The following ANKS1B variants were observed in gnomAD, a reference collection of about 807,000 sequenced individuals.
ANKS1B encodes ankyrin repeat and sterile alpha motif domain containing 1B, also known as ankyrin repeat and sterile alpha motif domain-containing protein 1B.
ANKS1B carries 36 observed loss-of-function variants against 148.3 expected under a neutral mutation model. The ratio of observed to expected loss-of-function variants is 0.24; its 90% confidence interval spans 0.19 to 0.32. The LOEUF (loss-of-function observed/expected upper bound fraction) is 0.32, where lower values mean the gene tolerates loss of function less well. Among genes scored for constraint, ANKS1B ranks in the 10% least tolerant of loss-of-function variants. The pLI, the probability that ANKS1B is intolerant of heterozygous loss-of-function variation, is 1.00. For missense variants in ANKS1B, 1,157 were observed against 1,542.6 expected (o/e 0.75, Z 4.19); for synonymous variants, 542 against 560.8 (o/e 0.97, Z 0.47).
chr12:99,564,744 T>C (rs904056798), intron 9 of ANKS1B, among the ~76,000 whole-genome samples: 5 of 152,194 alleles, frequency 3.3e-5, no homozygotes, highest in African/African-American at 1.2e-4. Flanking sequence ...TAATAGTCTG[T>C]ACTTACTTAC....
intron 4 of ANKS1B, among the ~76,000 whole-genome samples, chr12:99,795,674 T>C (rs2066161895): frequency 6.6e-6 from 1 of 152,022 alleles, no homozygotes; most frequent in Non-Finnish European, 1.5e-5. Context: ...ATGCACACTG[T>C]AGACACGGAA....
intron 8 of ANKS1B, among the ~76,000 whole-genome samples, chr12:99,766,920 TG>T (rs1422941727): frequency 3.3e-5 from 5 of 149,876 alleles, no homozygotes; most frequent in Non-Finnish European, 7.4e-5. Flanking sequence ...CTCTAGAAAT[TG>T]GGTTAGAATG....
intron 14 of ANKS1B, among the ~76,000 whole-genome samples, chr12:99,212,619 A>C (rs1449689983): frequency 6.6e-6 from 1 of 152,174 alleles, no homozygotes; most frequent in Non-Finnish European, 1.5e-5. Flanking sequence ...ATTAATTTTT[A>C]CTTATTGTGG....
chr12:98,785,754 C>G (rs942644231), intron 22 of ANKS1B, among the ~76,000 whole-genome samples: 1 of 152,142 alleles, frequency 6.6e-6, no homozygotes, highest in Non-Finnish European at 1.5e-5. Context: ...TCTCAGGCAA[C>G]ACTGGTTTCT....
At chr12:99,172,324 ATTG>A (rs1467420850) in intron 14 of ANKS1B, among the ~76,000 whole-genome samples, 1 of 152,172 alleles carries the variant, frequency 6.6e-6, no homozygotes, top group Non-Finnish European at 1.5e-5. Flanking sequence ...ATTTGATCAA[ATTG>A]TTGTTGCACA....
chr12:99,543,347 T>C (rs934263841), intron 9 of ANKS1B, among the ~76,000 whole-genome samples: 3 of 152,024 alleles, frequency 2.0e-5, no homozygotes, highest in African/African-American at 2.4e-5. Flanking sequence ...TATGGAAAAA[T>C]TGGAACCTTC....
chr12:99,482,980 C>T (rs1244710472), intron 10 of ANKS1B, among the ~76,000 whole-genome samples: 1 of 150,928 alleles, frequency 6.6e-6, no homozygotes, highest in Non-Finnish European at 1.5e-5. Context: ...TATTTGAATG[C>T]CTTTTATTTC....
rs188459052 is a variant in ANKS1B at position 99,107,224 on chromosome 12, C to T, written c.2527-22201G>A. Among the ~76,000 whole-genome samples the T allele has an allele frequency of 2.9e-3, 434 of 151,912 alleles. 4 individuals are homozygous for T. The highest frequency in any genetic ancestry group is 9.8e-3 in the African/African-American group (407 of 41,446). On this transcript the variant is annotated intron_variant, in intron 15 of 26. Coordinates refer to ENST00000683438, the MANE Select transcript of ANKS1B (RefSeq NM_001352186.2). ...ATCTAATGGACAGTGACCCCATCAC[C>T]CCACTTTTACACGTGCCTCTAAGAG...
intron 12 of ANKS1B, among the ~76,000 whole-genome samples, chr12:99,299,139 C>A (rs1000988440): frequency 2.6e-5 from 4 of 151,918 alleles, no homozygotes; most frequent in African/African-American, 7.3e-5. Flanking sequence ...TAGCTCACTG[C>A]AGCTTTGAAC....
At chr12:99,960,743 C>T (rs1447753634) in intron 1 of ANKS1B, among the ~76,000 whole-genome samples, 2 of 152,066 alleles carry the variant, frequency 1.3e-5, no homozygotes, top group African/African-American at 4.8e-5. Context: ...AAAATAAATA[C>T]ATATTAAAAA....
intron 10 of ANKS1B, among the ~76,000 whole-genome samples, chr12:99,503,203 G>A (rs1316836487): frequency 6.6e-6 from 1 of 152,180 alleles, no homozygotes; most frequent in Non-Finnish European, 1.5e-5. Flanking sequence ...AGGATTACAG[G>A]CATGAGGTAG....
At chr12:99,695,318 A>G (rs2053724713) in intron 8 of ANKS1B, among the ~76,000 whole-genome samples, 1 of 152,212 alleles carries the variant, frequency 6.6e-6, no homozygotes, top group South Asian at 2.1e-4. Flanking sequence ...CTTCTAATTT[A>G]ATATTTACTG....
chr12:99,654,464 T>C (rs1470120690), intron 9 of ANKS1B, among the ~76,000 whole-genome samples: 1 of 152,236 alleles, frequency 6.6e-6, no homozygotes, highest in Non-Finnish European at 1.5e-5. Context: ...TGGAATATTT[T>C]AGTCATTTCT....
At chr12:98,789,322 G>A (rs746149142) in intron 22 of ANKS1B, among the ~76,000 whole-genome samples, 18 of 151,954 alleles carry the variant, frequency 1.2e-4, no homozygotes, top group Non-Finnish European at 2.1e-4. Flanking sequence ...CAGCCTGGGC[G>A]ACAGAGAGAC....
chr12:99,542,516 T>C (rs984038161), intron 9 of ANKS1B, among the ~76,000 whole-genome samples: 1 of 128,360 alleles, frequency 7.8e-6, no homozygotes, highest in Non-Finnish European at 1.8e-5. Context: ...TCAAAATCCC[T>C]ATAAAAAAAA....
rs80252203 is a variant in ANKS1B, at chr12:99,838,262, T to G, written c.135-12873A>C. Among the ~76,000 whole-genome samples the G allele has an allele frequency of 7.9e-3, 1,198 of 152,292 alleles. 16 individuals are homozygous for G. The highest frequency in any genetic ancestry group is 0.027 in the African/African-American group (1,132 of 41,580). On this transcript the variant is annotated intron_variant, in intron 1 of 26. Transcript: ENST00000683438. ...AGTGCAAGTATCTTTTTGCTACAAT[T>G]ATTTATTTTCATTTGGATAGATACC...
rs76519391 is a variant in ANKS1B at position 98,780,668 on chromosome 12, T to C, written c.3441+449A>G. Among the ~76,000 whole-genome samples, 597 of 152,256 alleles carry C rather than the reference T, an allele frequency of 3.9e-3. 3 individuals are homozygous for C. Among genetic ancestry groups the C allele is most frequent in the Non-Finnish European group, 5.5e-3 (376 of 68,016 alleles). On this transcript the variant is annotated intron_variant, in intron 24 of 26. Coordinates refer to ENST00000683438, the MANE Select transcript of ANKS1B (RefSeq NM_001352186.2). ...GAAAATTATCAACAGAAAAGACACATATATATCTCTAGATAAACAGAAAGA... is the reference window on the plus strand; with the variant it reads ...GAAAATTATCAACAGAAAAGACACACATATATCTCTAGATAAACAGAAAGA...
intron 14 of ANKS1B, among the ~76,000 whole-genome samples, chr12:99,237,171 T>A (rs1458180711): frequency 6.6e-6 from 1 of 152,214 alleles, no homozygotes; most frequent in Non-Finnish European, 1.5e-5. Context: ...ATATGTCAAC[T>A]GAGAATATCA....
chr12:99,575,540 G>C (rs2097508620), intron 9 of ANKS1B, among the ~76,000 whole-genome samples: 2 of 152,076 alleles, frequency 1.3e-5, no homozygotes, highest in South Asian at 4.1e-4. Context: ...AATTATGGTG[G>C]AAGAACAAGG....
Sources: gnomAD v4.1 joint callset for allele counts (sites outside exome capture counted in the v4.1 genomes callset) on GRCh38, gnomAD v4.1.1 for gene constraint, MANE v1.5 for transcripts, NCBI Gene and HGNC (gene_info 2026-07-23, HGNC 2026-07-21) for gene names.